The following TAFA2 variants were observed in gnomAD, a reference collection of about 807,000 sequenced individuals.
TAFA2 encodes the protein chemokine-like protein TAFA-2.
TAFA2 carries 7 observed loss-of-function variants against 18.8 expected under a neutral mutation model. The ratio of observed to expected loss-of-function variants is 0.37; its 90% CI spans 0.21 to 0.70. The LOEUF (loss-of-function observed/expected upper bound fraction) is 0.70, where lower values mean the gene tolerates loss of function less well. TAFA2 is among the 30% of genes least tolerant of loss of function. TAFA2 has a pLI of 0.53. For synonymous variants in TAFA2, 60 were observed against 54.2 expected (o/e 1.11, Z -0.47); for missense variants, 122 against 158.1 (o/e 0.77, Z 1.23).
chr12:61,855,516 G>A (rs967753942), intron 2 of TAFA2, among the ~76,000 whole-genome samples: 6 of 151,956 alleles, frequency 3.9e-5, no homozygotes, highest in African/African-American at 1.5e-4. Flanking sequence ...GAGACAGTTA[G>A]CTTTCTATGA....
intron 1 of TAFA2, among the ~76,000 whole-genome samples, chr12:61,932,544 A>T (rs945732723): frequency 6.6e-6 from 1 of 152,020 alleles, no homozygotes; most frequent in African/African-American, 2.4e-5. Context: ...GTTTCAAGTG[A>T]TTCTCCTGCC....
chr12:61,725,549 C>T (rs940942024), intron 4 of TAFA2, among the ~76,000 whole-genome samples: 1 of 150,228 alleles, frequency 6.7e-6, no homozygotes, highest in African/African-American at 2.5e-5. Context: ...GTGTCCTTTC[C>T]CCACTTTATG....
chr12:62,056,047 C>G (rs1882179372), intron 1 of TAFA2, among the ~76,000 whole-genome samples: 1 of 152,132 alleles, frequency 6.6e-6, no homozygotes, highest in South Asian at 2.1e-4. Context: ...CCCACAATAT[C>G]TAAAGTTCTA....
In TAFA2 at chr12:62,123,773, CACACACAT is replaced by C. The variant is rs1347209816; in HGVS notation, c.-2+67478_-2+67485del. Among the ~76,000 whole-genome samples, 10 of 77,800 alleles carry C rather than the reference CACACACAT, an allele frequency of 1.3e-4. No individual in the cohort carries two copies. In the East Asian group the frequency reaches 1.9e-3, roughly 15 times the overall value. The allele number at this position is 77,800 out of a possible 152,430, so 51.0% of individuals were successfully genotyped here. A position where few individuals can be genotyped will look rare whatever the true frequency, so the allele number is the denominator to read the frequency against. ...CCACATATTCTCAAATCTCCCCCAC[CACACACAT>C]ACACACACACACACACACACACACA... On this transcript the variant is annotated intron_variant, in intron 1 of 4. Coordinates refer to ENST00000416284, the MANE Select transcript of TAFA2 (RefSeq NM_178539.5).
chr12:61,713,408 A>G (rs1243563272), intron 4 of TAFA2, among the ~76,000 whole-genome samples: 1 of 152,152 alleles, frequency 6.6e-6, no homozygotes, highest in African/African-American at 2.4e-5. Context: ...TCTTTGCTCA[A>G]TTTAATTCGG....
At chr12:62,202,915 C>T (rs990590933) in intron 1 of TAFA2, among the ~76,000 whole-genome samples, 8 of 150,270 alleles carry the variant, frequency 5.3e-5, no homozygotes, top group African/African-American at 2.0e-4. Flanking sequence ...GCAACCTCCA[C>T]CCCCTGGCTC....
chr12:62,176,817 C>T (rs1009595929), intron 1 of TAFA2, among the ~76,000 whole-genome samples: 2 of 152,148 alleles, frequency 1.3e-5, no homozygotes, highest in Non-Finnish European at 2.9e-5. Flanking sequence ...CAAAAGAATT[C>T]TCTAACCAGC....
At chr12:61,914,716 C>A (rs541671774) in intron 1 of TAFA2, among the ~76,000 whole-genome samples, 47 of 152,218 alleles carry the variant, frequency 3.1e-4, no homozygotes, top group African/African-American at 1.1e-3. Context: ...TCATTTCACA[C>A]TCATTTCAGC....
At chr12:61,907,608 C>T (rs1029485763) in intron 1 of TAFA2, among the ~76,000 whole-genome samples, 2 of 152,206 alleles carry the variant, frequency 1.3e-5, no homozygotes, top group Admixed American at 6.5e-5. Flanking sequence ...AACCCTCACA[C>T]GGAGTGCCCA....
intron 1 of TAFA2, among the ~76,000 whole-genome samples, chr12:62,185,903 A>G (rs1047102202): frequency 1.3e-5 from 2 of 152,196 alleles, no homozygotes; most frequent in African/African-American, 4.8e-5. Flanking sequence ...AAATTCCTAT[A>G]ACCACATAAC....
chr12:62,050,888 GCTGGTTATCAAAC>G (rs527830758), intron 1 of TAFA2, among the ~76,000 whole-genome samples: 3 of 152,220 alleles, frequency 2.0e-5, no homozygotes, highest in African/African-American at 7.2e-5. Context: ...CTTCTAGAGT[GCTGGTTATCAAAC>G]CTTTTACCAT....
intron 1 of TAFA2, among the ~76,000 whole-genome samples, chr12:62,060,405 T>C (rs1882313225): frequency 6.6e-6 from 1 of 152,236 alleles, no homozygotes; most frequent in South Asian, 2.1e-4. Context: ...CAGTTTGTAA[T>C]GATGCTGTTT....
chr12:61,840,490 CTTTTAA>C (rs1202136971), intron 2 of TAFA2, among the ~76,000 whole-genome samples: 2 of 151,440 alleles, frequency 1.3e-5, no homozygotes, highest in African/African-American at 4.9e-5. Flanking sequence ...GACAAATCTT[CTTTTAA>C]TTTTATGTAC....
chr12:61,926,787 A>G (rs1383590856), intron 1 of TAFA2, among the ~76,000 whole-genome samples: 3 of 152,160 alleles, frequency 2.0e-5, no homozygotes, highest in Non-Finnish European at 4.4e-5. Flanking sequence ...AAATGGGCAC[A>G]AGAGGGCAGG....
At chr12:61,865,578 T>C (rs1332207688) in intron 2 of TAFA2, among the ~76,000 whole-genome samples, 1 of 152,244 alleles carries the variant, frequency 6.6e-6, no homozygotes, top group East Asian at 1.9e-4. Flanking sequence ...TGACACGATG[T>C]GTAATTTATT....
intron 1 of TAFA2, among the ~76,000 whole-genome samples, chr12:61,941,627 A>T (rs569648960): frequency 2.0e-5 from 3 of 152,338 alleles, no homozygotes; most frequent in African/African-American, 7.2e-5. Context: ...AGGGCGAGGC[A>T]TTGCCTCACC....
intron 1 of TAFA2, among the ~76,000 whole-genome samples, chr12:61,962,665 T>C (rs1878927736): frequency 6.6e-6 from 1 of 152,038 alleles, no homozygotes; most frequent in South Asian, 2.1e-4. Flanking sequence ...TTTGTGCATA[T>C]CTTTTTACAT....
chr12:62,178,636 C>G (rs994535821), intron 1 of TAFA2, among the ~76,000 whole-genome samples: 4 of 152,166 alleles, frequency 2.6e-5, no homozygotes, highest in African/African-American at 9.7e-5. Context: ...CTCTTTCTCC[C>G]CAAGACTCAC....
intron 1 of TAFA2, among the ~76,000 whole-genome samples, chr12:62,236,914 G>A (rs11174387): frequency 0.17 from 25,069 of 151,892 alleles, 2,467 homozygotes; most frequent in East Asian, 0.35. Flanking sequence ...TTTATTATAC[G>A]CCTTGAGGTA....
Sources: gnomAD v4.1 joint callset for allele counts (sites outside exome capture counted in the v4.1 genomes callset) on GRCh38, gnomAD v4.1.1 for gene constraint, MANE v1.5 for transcripts, NCBI Gene and HGNC (gene_info 2026-07-23, HGNC 2026-07-21) for gene names.